The following SPATA17 variants were observed in gnomAD, a reference collection of about 807,000 sequenced individuals.
SPATA17 encodes spermatogenesis associated 17, also known as spermatogenesis-associated protein 17.
Under a neutral mutation model 62.2 loss-of-function variants are expected in SPATA17, and 53 were observed. That is an observed-to-expected ratio of 0.85 (90% CI 0.68 to 1.07). The LOEUF (loss-of-function observed/expected upper bound fraction) is 1.07, where lower values mean the gene tolerates loss of function less well. Among genes scored for constraint, SPATA17 ranks in the 50% least tolerant of loss-of-function variants. The pLI is 0.00. For synonymous variants in SPATA17, 146 were observed against 146.8 expected, an observed-to-expected ratio of 0.99 and a Z score of 0.04; for missense variants, 466 against 425.5, an observed-to-expected ratio of 1.10 and a Z score of -0.84.
At chr1:217,853,777 A>G (rs968784401) in intron 9 of SPATA17, among the ~76,000 whole-genome samples, 6 of 152,066 alleles carry the variant, frequency 3.9e-5, no homozygotes, top group Non-Finnish European at 5.9e-5. Context: ...ATATATTTTG[A>G]CTCATTAGCA....
chr1:217,855,323 A>G (rs1675757130), intron 9 of SPATA17, among the ~76,000 whole-genome samples: 2 of 152,180 alleles, frequency 1.3e-5, no homozygotes, highest in Non-Finnish European at 2.9e-5. Flanking sequence ...ATATCTTACC[A>G]TGGTATCACT....
chr1:217,741,920 G>T (rs552250757), intron 5 of SPATA17, 55 bp from the exon 6 acceptor site: 17 of 1,603,372 alleles, frequency 1.1e-5, no homozygotes, highest in Admixed American at 1.7e-5. Flanking sequence ...ATCAGTGAAA[G>T]AATTAAAATG....
At chr1:217,669,385 AG>A (rs1433841126) in intron 4 of SPATA17, among the ~76,000 whole-genome samples, 8 of 152,250 alleles carry the variant, frequency 5.3e-5, no homozygotes, top group Non-Finnish European at 2.9e-5. Context: ...TATATCATAT[AG>A]AATACATTGT....
At chr1:217,766,267 T>A (rs1275013685) in intron 6 of SPATA17, among the ~76,000 whole-genome samples, 2 of 152,072 alleles carry the variant, frequency 1.3e-5, no homozygotes, top group Non-Finnish European at 2.9e-5. Context: ...TGTCTTACAC[T>A]CTTTTTCTGT....
chr1:217,633,629 T>C (rs1026204892), intron 1 of SPATA17, among the ~76,000 whole-genome samples: 7 of 152,214 alleles, frequency 4.6e-5, no homozygotes, highest in Non-Finnish European at 8.8e-5. Context: ...GCTGATTTAA[T>C]TAAATTGCAA....
At chr1:217,666,382 C>G (rs12406580) in intron 3 of SPATA17, among the ~76,000 whole-genome samples, 6,113 of 152,036 alleles carry the variant, frequency 0.04, 376 homozygotes, top group African/African-American at 0.14. Flanking sequence ...TTTAAGTGTT[C>G]AAGTAACCCA....
At chr1:217,783,978 A>T (rs1673794043) in intron 8 of SPATA17, among the ~76,000 whole-genome samples, 1 of 152,136 alleles carries the variant, frequency 6.6e-6, no homozygotes, top group Non-Finnish European at 1.5e-5. Flanking sequence ...CAAGTTGCAG[A>T]TGCTAAAAAA....
At chr1:217,751,729 T>A (rs1353162270) in intron 6 of SPATA17, among the ~76,000 whole-genome samples, 1 of 152,240 alleles carries the variant, frequency 6.6e-6, no homozygotes, top group Non-Finnish European at 1.5e-5. Context: ...TCTTCTCCTC[T>A]TGCCATCTTT....
intron 3 of SPATA17, among the ~76,000 whole-genome samples, chr1:217,656,871 T>C (rs1670456097): frequency 6.6e-6 from 1 of 152,214 alleles, no homozygotes; most frequent in East Asian, 1.9e-4. Context: ...ACTATTACTG[T>C]TATGTGGAGA....
In SPATA17 at chr1:217,789,119, T is replaced by G. The variant is rs1018619032; in HGVS notation, c.872+6797T>G. ...TATTGTAGCTGTATTTTAACTTATA[T>G]AGGCTTTCATTTAAGAAACTGTATA... On this transcript the variant is annotated intron_variant, in intron 8 of 10. Transcript: ENST00000366933. 5.3e-5 allele frequency among the ~76,000 whole-genome samples: 8 copies of G among 152,192 alleles called. No homozygotes were observed. The South Asian group carries it at 1.2e-3, about 24-fold the overall frequency.
rs1571718994 is a variant in SPATA17 at position 217,669,062 on chromosome 1, C to T, written c.270C>T (p.Leu90=). The T allele has an allele frequency of 3.7e-6, 6 of 1,611,206 alleles. No individual in the cohort carries two copies. Among genetic ancestry groups the T allele is most frequent in the Non-Finnish European group, 4.2e-6 (5 of 1,179,070 alleles). Reference sequence around the variant, plus strand: ...CATATTATACTATGATGATGAATCTCTACAATGCAATGGCTGTCAGGGTAA... The same window carrying T: ...CATATTATACTATGATGATGAATCTTTACAATGCAATGGCTGTCAGGGTAA... ...QVAYYTMMMN[L]YNAMAVRIQR... Residue 90 remains leucine, a synonymous_variant, in exon 4 of 11, where the codon CTC becomes CTT. Transcript: ENST00000366933.
intron 3 of SPATA17, among the ~76,000 whole-genome samples, chr1:217,658,934 G>C (rs573432760): frequency 3.9e-5 from 6 of 151,938 alleles, no homozygotes; most frequent in African/African-American, 1.5e-4. Context: ...CCTGAGCCAC[G>C]AGGGCATGAT....
intron 5 of SPATA17, among the ~76,000 whole-genome samples, chr1:217,712,746 C>A (rs1177376766): frequency 1.3e-5 from 2 of 152,126 alleles, no homozygotes; most frequent in South Asian, 2.1e-4. Context: ...AATACTAGAG[C>A]AAATAGGGTC....
intron 8 of SPATA17, among the ~76,000 whole-genome samples, chr1:217,786,386 T>C (rs1344911320): frequency 6.6e-6 from 1 of 152,014 alleles, no homozygotes; most frequent in African/African-American, 2.4e-5. Context: ...GAGATTTTGA[T>C]AGAGGAAAGA....
chr1:217,786,793 T>TTCTTCTTCTTCTTCC (rs1673881169), intron 8 of SPATA17, among the ~76,000 whole-genome samples: 2 of 151,248 alleles, frequency 1.3e-5, no homozygotes, highest in Non-Finnish European at 1.5e-5. Context: ...CTTCTTCTTC[T>TTCTTCTTCTTCTTCC]TCTTCTTCTT....
At chr1:217,735,620 A>G (rs924999873) in intron 5 of SPATA17, among the ~76,000 whole-genome samples, 1 of 152,206 alleles carries the variant, frequency 6.6e-6, no homozygotes, top group Non-Finnish European at 1.5e-5. Context: ...TGGACATATT[A>G]AAGAGAAATA....
chr1:217,735,186 C>A (rs1672484363), intron 5 of SPATA17, among the ~76,000 whole-genome samples: 1 of 152,198 alleles, frequency 6.6e-6, no homozygotes, highest in Non-Finnish European at 1.5e-5. Context: ...CAGGACCGGT[C>A]TTAGTCAGTT....
chr1:217,711,886 C>A (rs1056330225), intron 5 of SPATA17, among the ~76,000 whole-genome samples: 1 of 152,150 alleles, frequency 6.6e-6, no homozygotes, highest in South Asian at 2.1e-4. Context: ...GTTGCCTTGA[C>A]AGAATGGTCG....
intron 4 of SPATA17, 86 bp from the exon 5 acceptor site, chr1:217,683,172 C>A: frequency 1.2e-6 from 1 of 851,902 alleles, no homozygotes; most frequent in South Asian, 1.8e-5. Context: ...GAGTTATCAG[C>A]CATAATTACC....
Sources: allele counts gnomAD v4.1 joint callset (sites outside exome capture counted in the v4.1 genomes callset), GRCh38; gene constraint gnomAD v4.1.1; transcripts MANE v1.5; gene names NCBI Gene and HGNC (gene_info 2026-07-23, HGNC 2026-07-21).